The following TAF1 variants were observed in gnomAD, a reference collection of about 807,000 sequenced individuals.
TAF1 encodes the protein TATA-box binding protein associated factor 1, also known as transcription initiation factor TFIID subunit 1.
In TAF1, 2 loss-of-function variants were observed where a neutral mutation model predicts 138.5. The observed-to-expected ratio is 0.01, with a 90% CI of 0.01 to 0.05. The LOEUF is 0.05. Among genes scored for constraint, TAF1 ranks in the 10% least tolerant of loss-of-function variants. The pLI is 1.00. For missense variants in TAF1, 709 were observed against 1,478.0 expected, an observed-to-expected ratio of 0.48 and a Z score of 8.53; for synonymous variants, 437 against 503.2, an observed-to-expected ratio of 0.87 and a Z score of 1.76.
Position 71,459,068 on chromosome X carries a change from A to T in TAF1, c.5065-484A>T, listed in dbSNP as rs889144397. The T allele has an allele frequency of 2.4e-5, 17 of 716,519 alleles. No homozygotes were observed. In the African/African-American group the frequency reaches 3.5e-4, roughly 15 times the overall value. 59.0% of individuals were successfully genotyped at this position (716,519 alleles called of 1,213,427 possible). On this transcript the variant is annotated intron_variant, in intron 35 of 37. Transcript: ENST00000423759. ...ATTGGCTGGGATATCAGGGAGGAGC[A>T]TCCACCCTGGGTGAGAGCCCTTGGT...
intron 23 of TAF1, 44 bp from the exon 24 acceptor site, chrX:71,398,528 T>C (rs377173261): frequency 8.4e-7 from 1 of 1,196,227 alleles, no homozygotes; most frequent in Non-Finnish European, 1.1e-6. Flanking sequence ...AAGGTTTGCT[T>C]ATGGTCCTGT....
In TAF1 at chrX:71,408,054, A is replaced by G. The variant is rs149241345; in HGVS notation, c.4287A>G (p.Gln1429=). ...TCATCACTCGGCCAATGGACCTACA[A>G]ACACTCCGCGAAAACGTGCGTAAAC... ...YKIITRPMDL[Q]TLRENVRKRL... is the part of the protein sequence containing the mutation. The change falls in exon 28 of 38, where the codon CAA becomes CAG. Residue 1429 remains glutamine, a synonymous_variant. Coordinates refer to ENST00000423759, the MANE Select transcript of TAF1 (RefSeq NM_004606.5). The G allele has an allele frequency of 1.5e-5, 18 of 1,209,832 alleles. No individual in the cohort carries two copies. The African/African-American group carries it at 2.6e-4, about 18-fold the overall frequency.
At chrX:71,479,497 G>A (rs911797603) in intron 13 of TAF1, among the ~76,000 whole-genome samples, 8 of 111,284 alleles carry the variant, frequency 7.2e-5, no homozygotes, top group Non-Finnish European at 1.1e-4. Context: ...TCTTGAACCC[G>A]GGAGGTGGAG....
chrX:71,370,063 AAAAAT>A (rs2032929349), intron 3 of TAF1, among the ~76,000 whole-genome samples: 1 of 110,551 alleles, frequency 9.0e-6, no homozygotes, highest in African/African-American at 3.3e-5. Flanking sequence ...CGTCTCTACT[AAAAAT>A]AAAAAAATTA....
intron 9 of TAF1, among the ~76,000 whole-genome samples, chrX:71,382,305 C>CATGT (rs2033942026): frequency 9.2e-6 from 1 of 108,319 alleles, no homozygotes; most frequent in Admixed American, 1.0e-4. Flanking sequence ...GCGTGTAGTT[C>CATGT]ACTTAGTGAA....
chrX:71,423,152 C>T lies in TAF1; in HGVS notation c.4488C>T (p.Ile1496=), dbSNP rs1449701858. The T allele has an allele frequency of 1.7e-6, 2 of 1,210,441 alleles. No individual in the cohort carries two copies. The highest frequency in any genetic ancestry group is 3.5e-5 in the African/African-American group (2 of 57,330). ...AATTAGCTCGCTTAGAGAAAGCTAT[C>T]AACCCCTTGCTGGATGATGATGACC... ...EDKLARLEKA[I]NPLLDDDDQV... Residue 1496 remains isoleucine, a synonymous_variant, in exon 30 of 38, where the codon ATC becomes ATT. Coordinates refer to ENST00000423759, the MANE Select transcript of TAF1 (RefSeq NM_004606.5).
In TAF1 at chrX:71,392,593, A is replaced by G. The variant is rs1014764751; in HGVS notation, c.2806A>G (p.Thr936Ala). The G allele has an allele frequency of 8.3e-7, 1 of 1,197,618 alleles. No homozygotes were observed. Among genetic ancestry groups the G allele is most frequent in the South Asian group, 1.9e-5 (1 of 53,826 alleles). Residue 936 changes from threonine to alanine, a missense_variant, in exon 19 of 38, where the codon ACA becomes GCA. Transcript: ENST00000423759. ...DEVRTAPWNT[T>A]RAFIAAMKGK... ...GGTTCGCACTGCCCCTTGGAACACCACAAGGGCCTTCATTGCTGCCATGAA... is the reference window on the plus strand; with the variant it reads ...GGTTCGCACTGCCCCTTGGAACACCGCAAGGGCCTTCATTGCTGCCATGAA...
chrX:71,485,575 AG>A (rs1287927455), intron 13 of TAF1, among the ~76,000 whole-genome samples: 1 of 111,939 alleles, frequency 8.9e-6, no homozygotes, highest in African/African-American at 3.2e-5. Context: ...ATTGTGGTTT[AG>A]ATTTGCATTT....
chrX:71,443,475 T>C (rs1286911797), intron 32 of TAF1, among the ~76,000 whole-genome samples: 1 of 111,468 alleles, frequency 9.0e-6, no homozygotes, highest in Non-Finnish European at 1.9e-5. Context: ...CTGTTATTGG[T>C]GTATAGGAAT....
intron 3 of TAF1, among the ~76,000 whole-genome samples, chrX:71,370,068 T>TA (rs2032930068): frequency 1.8e-5 from 2 of 110,133 alleles, no homozygotes; most frequent in South Asian, 3.9e-4. Flanking sequence ...CTACTAAAAA[T>TA]AAAAAAATTA....
chrX:71,527,400 AAAAAG>A (rs1569419407), intron 13 of TAF1, among the ~76,000 whole-genome samples: 1 of 109,885 alleles, frequency 9.1e-6, no homozygotes. Flanking sequence ...AAAAAAAAAA[AAAAAG>A]AAAAGAAAAA....
chrX:71,397,231 A>G (rs1487025597), intron 22 of TAF1, 22 bp from the exon 23 acceptor site: 5 of 1,201,946 alleles, frequency 4.2e-6, no homozygotes, highest in Non-Finnish European at 5.6e-6. Flanking sequence ...ACGTTTGGAA[A>G]TCTTTTCTAC....
exon 14 of TAF1, chrX:71,528,658 C>T (rs770566651): frequency 5.5e-5 from 18 of 329,552 alleles, no homozygotes; most frequent in African/African-American, 2.7e-5. Flanking sequence ...CATCTGTGTC[C>T]GGAGTTGGTT....
intron 32 of TAF1, among the ~76,000 whole-genome samples, chrX:71,431,898 G>C (rs1452499074): frequency 2.0e-5 from 2 of 100,762 alleles, no homozygotes; most frequent in Non-Finnish European, 4.0e-5. Flanking sequence ...TCTGGTGACA[G>C]AGTGAGACTC....
intron 3 of TAF1, among the ~76,000 whole-genome samples, chrX:71,370,457 C>T (rs766018358): frequency 3.6e-5 from 4 of 111,394 alleles, no homozygotes; most frequent in East Asian, 2.8e-4. Flanking sequence ...AGTGATTCTT[C>T]CACCTCAGCC....
At chrX:71,405,728 C>T (rs1056192168) in intron 25 of TAF1, among the ~76,000 whole-genome samples, 1 of 111,898 alleles carries the variant, frequency 8.9e-6, no homozygotes, top group Non-Finnish European at 1.9e-5. Context: ...GAAGATGGGC[C>T]GGACGTGGTG....
At chrX:71,505,221 C>T (rs993680979) in intron 13 of TAF1, among the ~76,000 whole-genome samples, 6 of 111,324 alleles carry the variant, frequency 5.4e-5, no homozygotes, top group African/African-American at 2.0e-4. Context: ...GGAGAATAGA[C>T]AAATCTTTAA....
intron 8 of TAF1, among the ~76,000 whole-genome samples, chrX:71,381,320 AATGG>A (rs1324520612): frequency 1.8e-5 from 2 of 112,121 alleles, no homozygotes; most frequent in Middle Eastern, 4.6e-3. Context: ...GTTGGAGTGC[AATGG>A]CACGATCTCA....
intron 34 of TAF1, among the ~76,000 whole-genome samples, chrX:71,455,764 C>A (rs979703186): frequency 1.2e-4 from 13 of 112,378 alleles, no homozygotes; most frequent in Non-Finnish European, 2.3e-4. Flanking sequence ...CAAATTTAAT[C>A]AAATATTTTA....
Sources: gnomAD v4.1 joint callset for allele counts (sites outside exome capture counted in the v4.1 genomes callset) on GRCh38, gnomAD v4.1.1 for gene constraint, MANE v1.5 for transcripts, NCBI Gene and HGNC (gene_info 2026-07-23, HGNC 2026-07-21) for gene names.